The following LUZP2 variants were observed in gnomAD, a reference collection of about 807,000 sequenced individuals.
The protein encoded by LUZP2 is leucine zipper protein 2.
LUZP2 carries 52 observed loss-of-function variants against 51.6 expected under a neutral mutation model. That is an observed-to-expected ratio of 1.01 (90% CI 0.81 to 1.27). The LOEUF (loss-of-function observed/expected upper bound fraction) is 1.27, where lower values mean the gene tolerates loss of function less well. Ranked by LOEUF, LUZP2 falls within the 50% of genes most tolerant of loss-of-function variation. The probability of loss-of-function intolerance (pLI) is 0.00; values close to 1 mark genes in which losing one functional copy is unlikely to be tolerated. For synonymous variants in LUZP2, 154 were observed against 137.3 expected (o/e 1.12, Z -0.85); for missense variants, 436 against 395.4 (o/e 1.10, Z -0.87).
chr11:24,747,904 G>A (rs944736309), intron 4 of LUZP2, among the ~76,000 whole-genome samples: 14 of 152,054 alleles, frequency 9.2e-5, no homozygotes, highest in African/African-American at 1.9e-4. Context: ...CACTCCCACC[G>A]TGTCCCCTCT....
At chr11:24,934,857 A>G (rs1854546462) in intron 7 of LUZP2, among the ~76,000 whole-genome samples, 1 of 152,212 alleles carries the variant, frequency 6.6e-6, no homozygotes, top group Non-Finnish European at 1.5e-5. Flanking sequence ...CTCAAGATAC[A>G]ACCTATTTGC....
chr11:24,532,576 A>T (rs1055702530), intron 1 of LUZP2, among the ~76,000 whole-genome samples: 3 of 151,062 alleles, frequency 2.0e-5, no homozygotes, highest in African/African-American at 7.3e-5. Flanking sequence ...TATAACTAGT[A>T]TATACTTCTA....
chr11:24,576,702 A>G (rs1417568155), intron 1 of LUZP2, among the ~76,000 whole-genome samples: 1 of 152,058 alleles, frequency 6.6e-6, no homozygotes, highest in African/African-American at 2.4e-5. Context: ...GACCAAGGAT[A>G]GTAATTTTCT....
Position 25,047,079 on chromosome 11 carries a change from T to C in LUZP2, c.766-2959T>C, listed in dbSNP as rs564745438. On this transcript the variant is annotated intron_variant, in intron 9 of 11. Coordinates refer to ENST00000336930, the MANE Select transcript of LUZP2 (RefSeq NM_001009909.4). The stretch of plus-strand genomic sequence containing the variant: ...GTCATCTGATTGTTTAGAAACAAAA[T>C]ACATTGAAATTGTCCCTTGCCTGTT... 3.9e-5 allele frequency among the ~76,000 whole-genome samples: 6 copies of C among 152,286 alleles called. No homozygotes were observed. In the East Asian group the frequency reaches 1.2e-3, roughly 29 times the overall value.
At chr11:25,044,267 A>ATATATG (rs1858219103) in intron 9 of LUZP2, among the ~76,000 whole-genome samples, 1 of 39,134 alleles carries the variant, frequency 2.6e-5, no homozygotes, top group South Asian at 7.4e-4. Flanking sequence ...GTATATATAT[A>ATATATG]TATATATATA....
At chr11:24,797,789 T>C (rs1457791628) in intron 5 of LUZP2, among the ~76,000 whole-genome samples, 2 of 152,202 alleles carry the variant, frequency 1.3e-5, no homozygotes, top group East Asian at 3.9e-4. Flanking sequence ...AGGAGTTCTA[T>C]TTATTGATAA....
chr11:25,020,710 TC>T (rs1041623548), intron 9 of LUZP2, among the ~76,000 whole-genome samples: 73 of 152,208 alleles, frequency 4.8e-4, no homozygotes, highest in African/African-American at 1.7e-3. Flanking sequence ...ATTTGAATTC[TC>T]AGATTTTTTT....
chr11:24,757,570 C>G (rs1018531886), intron 4 of LUZP2, among the ~76,000 whole-genome samples: 8 of 151,760 alleles, frequency 5.3e-5, no homozygotes, highest in African/African-American at 1.9e-4. Flanking sequence ...AGCAGAAGCT[C>G]AAACTCAATG....
At chr11:24,525,356 A>G (rs1175577640) in intron 1 of LUZP2, among the ~76,000 whole-genome samples, 1 of 151,684 alleles carries the variant, frequency 6.6e-6, no homozygotes, top group African/African-American at 2.4e-5. Flanking sequence ...GGTATGTAGC[A>G]GGCTTACTTG....
rs1303679179 is a variant in LUZP2 at position 24,963,201 on chromosome 11, C to T, written c.523-13390C>T. ...GGGGGTACCTCCCAGTTAGGCTGCT[C>T]AGGGGTCAGGGGTCACGGACCCACT... On this transcript the variant is annotated intron_variant, in intron 7 of 11. Coordinates refer to ENST00000336930, the MANE Select transcript of LUZP2 (RefSeq NM_001009909.4). 2.6e-5 allele frequency among the ~76,000 whole-genome samples: 4 copies of T among 152,312 alleles called. No individual in the cohort carries two copies. The South Asian group carries it at 8.3e-4, about 32-fold the overall frequency.
At chr11:24,915,479 A>T (rs1240570405) in intron 7 of LUZP2, among the ~76,000 whole-genome samples, 1 of 152,124 alleles carries the variant, frequency 6.6e-6, no homozygotes, top group Admixed American at 6.6e-5. Context: ...ATGAAAGAGG[A>T]GAGTTTTTCG....
intron 1 of LUZP2, among the ~76,000 whole-genome samples, chr11:24,683,206 G>A (rs1373706191): frequency 6.6e-6 from 1 of 152,182 alleles, no homozygotes; most frequent in Non-Finnish European, 1.5e-5. Context: ...TGAACCTTAT[G>A]CTGCTTCATT....
At chr11:24,906,734 T>G (rs141511433) in intron 6 of LUZP2, among the ~76,000 whole-genome samples, 2 of 152,248 alleles carry the variant, frequency 1.3e-5, no homozygotes, top group African/African-American at 4.8e-5. Context: ...AGTCACTGTT[T>G]TAGCTGCATC....
At chr11:24,889,435 A>G (rs1200475048) in intron 5 of LUZP2, among the ~76,000 whole-genome samples, 1 of 152,196 alleles carries the variant, frequency 6.6e-6, no homozygotes, top group South Asian at 2.1e-4. Context: ...AGTAAAATCT[A>G]TTCTCAGATA....
intron 1 of LUZP2, among the ~76,000 whole-genome samples, chr11:24,672,818 G>T (rs568345145): frequency 6.6e-6 from 1 of 152,104 alleles, no homozygotes; most frequent in Non-Finnish European, 1.5e-5. Flanking sequence ...TTTACGTCAG[G>T]GGTCCCCAGT....
intron 9 of LUZP2, among the ~76,000 whole-genome samples, chr11:25,008,644 A>T (rs768104719): frequency 6.6e-6 from 1 of 152,152 alleles, no homozygotes; most frequent in South Asian, 2.1e-4. Context: ...CTCAGGCTCC[A>T]GGTTCCTGTC....
At chr11:24,797,614 T>TCTGTAGTAGAAATGCTA (rs1462318149) in intron 5 of LUZP2, among the ~76,000 whole-genome samples, 2 of 152,126 alleles carry the variant, frequency 1.3e-5, no homozygotes, top group Admixed American at 1.3e-4. Context: ...GTAGAAATGC[T>TCTGTAGTAGAAATGCTA]CTGTAGTAGA....
At chr11:24,699,877 C>T (rs1857371382) in intron 1 of LUZP2, among the ~76,000 whole-genome samples, 1 of 150,706 alleles carries the variant, frequency 6.6e-6, no homozygotes, top group African/African-American at 2.4e-5. Context: ...GTTTTGAACA[C>T]AAAGGAATTA....
chr11:24,542,925 G>A (rs72874816), intron 1 of LUZP2, among the ~76,000 whole-genome samples: 6,222 of 135,650 alleles, frequency 0.046, 198 homozygotes, highest in South Asian at 0.13. Context: ...CACACACACA[G>A]AAAAAAAAAA....
Sources: allele counts gnomAD v4.1 joint callset (sites outside exome capture counted in the v4.1 genomes callset), GRCh38; gene constraint gnomAD v4.1.1; transcripts MANE v1.5; gene names NCBI Gene and HGNC (gene_info 2026-07-23, HGNC 2026-07-21).